Variants in LTBP1 observed in about 807,000 individuals in gnomAD.
LTBP1 encodes the protein latent transforming growth factor beta binding protein 1.
A neutral mutation model predicts 207.6 loss-of-function variants in LTBP1; 129 were observed. That is an observed-to-expected ratio of 0.62 (90% CI 0.54 to 0.72). The LOEUF is 0.72. Among genes scored for constraint, LTBP1 ranks in the 30% least tolerant of loss-of-function variants. LTBP1 has a pLI of 0.00. For missense variants in LTBP1, 2,281 were observed against 2,217.2 expected, an observed-to-expected ratio of 1.03 and a Z score of -0.58; for synonymous variants, 963 against 833.7, an observed-to-expected ratio of 1.16 and a Z score of -2.67.
intron 5 of LTBP1, among the ~76,000 whole-genome samples, chr2:33,156,894 G>A (rs1396553260): frequency 2.0e-5 from 3 of 152,054 alleles, no homozygotes; most frequent in Non-Finnish European, 4.4e-5. Context: ...TTATCTTACT[G>A]TATATATATT....
intron 7 of LTBP1, among the ~76,000 whole-genome samples, chr2:33,192,194 C>T (rs2087971568): frequency 6.6e-6 from 1 of 152,120 alleles, no homozygotes; most frequent in Admixed American, 6.5e-5. Context: ...AATATTAAGC[C>T]TCTTAAATCT....
chr2:33,168,816 T>C (rs528606087), intron 5 of LTBP1, among the ~76,000 whole-genome samples: 1 of 152,350 alleles, frequency 6.6e-6, no homozygotes, highest in African/African-American at 2.4e-5. Flanking sequence ...ATGTATGCTT[T>C]GGGATGGTTA....
At chr2:33,362,366 A>G (rs964268672) in intron 28 of LTBP1, among the ~76,000 whole-genome samples, 2 of 151,936 alleles carry the variant, frequency 1.3e-5, no homozygotes, top group African/African-American at 2.4e-5. Context: ...GATTTGGTCC[A>G]ATTAAATAAT....
chr2:33,249,933 C>G (rs2092634535), intron 10 of LTBP1, among the ~76,000 whole-genome samples: 1 of 152,140 alleles, frequency 6.6e-6, no homozygotes, highest in Admixed American at 6.5e-5. Flanking sequence ...CAGCATAAAA[C>G]CTTATGACTC....
chr2:33,197,084 A>G (rs548070388), intron 7 of LTBP1, among the ~76,000 whole-genome samples: 4 of 152,336 alleles, frequency 2.6e-5, no homozygotes, highest in African/African-American at 9.6e-5. Context: ...TCAGAGTTCT[A>G]AAAATATGTT....
intron 7 of LTBP1, among the ~76,000 whole-genome samples, chr2:33,215,610 A>T (rs1180670651): frequency 3.3e-5 from 5 of 151,954 alleles, no homozygotes; most frequent in African/African-American, 1.2e-4. Context: ...ACTGGTGTCT[A>T]CTACTTGCTG....
chr2:33,371,535 C>T (rs920290916), intron 31 of LTBP1, among the ~76,000 whole-genome samples: 2 of 152,144 alleles, frequency 1.3e-5, no homozygotes, highest in Non-Finnish European at 2.9e-5. Flanking sequence ...TTTGATCTTG[C>T]TGAGAATTTC....
At chr2:33,304,006 G>A (rs55873210) in intron 22 of LTBP1, among the ~76,000 whole-genome samples, 4,795 of 152,258 alleles carry the variant, frequency 0.031, 113 homozygotes, top group Non-Finnish European at 0.049. Context: ...CATGTTCCTC[G>A]CTTTGTCTCT....
At chr2:33,224,034 A>T (rs1573282156) in intron 9 of LTBP1, among the ~76,000 whole-genome samples, 1 of 152,230 alleles carries the variant, frequency 6.6e-6, no homozygotes, top group African/African-American at 2.4e-5. Context: ...TCTCATGCAC[A>T]GTCTCTGTCC....
At position 33,328,074 on chromosome 2, in the gene LTBP1, G is replaced by A. The variant is rs1391986738; in HGVS notation, c.3730+12805G>A. 3.3e-5 allele frequency among the ~76,000 whole-genome samples: 5 copies of A among 151,396 alleles called. No individual in the cohort carries two copies. The East Asian group carries it at 5.8e-4, about 18-fold the overall frequency. ...TGCTTGAAACCGGAAGGTGAAGGTT[G>A]CAGTGAGCCGAGATCACGCCACTGC... On this transcript the variant is annotated intron_variant, in intron 24 of 33. Coordinates refer to ENST00000404816, the MANE Select transcript of LTBP1 (RefSeq NM_206943.4).
intron 5 of LTBP1, among the ~76,000 whole-genome samples, chr2:33,138,483 C>T (rs2082321971): frequency 6.6e-6 from 1 of 151,828 alleles, no homozygotes; most frequent in African/African-American, 2.4e-5. Flanking sequence ...GCTGTTTGCC[C>T]CACCCCTGCC....
chr2:33,082,077 G>T (rs747972516), intron 3 of LTBP1, among the ~76,000 whole-genome samples: 1 of 152,198 alleles, frequency 6.6e-6, no homozygotes, highest in Non-Finnish European at 1.5e-5. Context: ...GTCTTAAGAG[G>T]TGGGATCTTT....
At chr2:33,254,746 C>T (rs1450045172) in intron 11 of LTBP1, among the ~76,000 whole-genome samples, 1 of 126,230 alleles carries the variant, frequency 7.9e-6, no homozygotes, top group African/African-American at 3.4e-5. Flanking sequence ...ATCCCTCCCG[C>T]CTCCCCCCAC....
chr2:33,304,566 A>C (rs2094053683), intron 22 of LTBP1, among the ~76,000 whole-genome samples: 1 of 152,162 alleles, frequency 6.6e-6, no homozygotes, highest in African/African-American at 2.4e-5. Context: ...CTTGGTAGCT[A>C]GTCATTCTGT....
chr2:33,352,285 C>G (rs1237941444), intron 26 of LTBP1, among the ~76,000 whole-genome samples: 1 of 152,066 alleles, frequency 6.6e-6, no homozygotes, highest in Non-Finnish European at 1.5e-5. Flanking sequence ...GAGCATACCA[C>G]CACGCCCGGC....
At chr2:33,246,858 T>C (rs1476358457) in intron 10 of LTBP1, among the ~76,000 whole-genome samples, 1 of 152,224 alleles carries the variant, frequency 6.6e-6, no homozygotes, top group Non-Finnish European at 1.5e-5. Context: ...TGGCATTTGC[T>C]GCCTCTGACC....
At chr2:33,284,446 T>A (rs1195626058) in intron 19 of LTBP1, among the ~76,000 whole-genome samples, 1 of 152,218 alleles carries the variant, frequency 6.6e-6, no homozygotes, top group African/African-American at 2.4e-5. Flanking sequence ...ATTTCATTCT[T>A]CTCTAGAGAG....
Position 33,347,529 on chromosome 2 carries a change from G to A in LTBP1, c.4000+19G>A. 1 of 1,613,662 alleles carries A rather than the reference G, an allele frequency of 6.2e-7. No homozygotes were observed. The highest frequency in any genetic ancestry group is 8.5e-7 in the Non-Finnish European group (1 of 1,179,834). On this transcript the variant is annotated intron_variant, in intron 26 of 33. Transcript: ENST00000404816. The stretch of plus-strand genomic sequence containing the variant: ...TCCACAGGTAAGTCCCAGTGACACT[G>A]TGCAAGGGAATGACAGGCTCCTCTC...
chr2:33,232,223 A>G (rs1267242167), intron 9 of LTBP1, among the ~76,000 whole-genome samples: 2 of 152,188 alleles, frequency 1.3e-5, no homozygotes, highest in African/African-American at 4.8e-5. Flanking sequence ...GATATCCAGC[A>G]TGGGGGATTC....
Sources: gnomAD v4.1 joint callset for allele counts (sites outside exome capture counted in the v4.1 genomes callset) on GRCh38, gnomAD v4.1.1 for gene constraint, MANE v1.5 for transcripts, NCBI Gene and HGNC (gene_info 2026-07-23, HGNC 2026-07-21) for gene names.